DIAPH2: variants seen among roughly 807,000 people sequenced by gnomAD.
DIAPH2 encodes diaphanous related formin 2, also known as protein diaphanous homolog 2.
In DIAPH2, 35 loss-of-function variants were observed where a neutral mutation model predicts 92.7. That is an observed-to-expected ratio of 0.38 (90% confidence interval 0.29 to 0.50). The LOEUF is 0.50. Among genes scored for constraint, DIAPH2 ranks in the 20% least tolerant of loss-of-function variants. DIAPH2 has a pLI of 0.94. For missense variants in DIAPH2, 701 were observed against 819.5 expected (o/e 0.86, Z 1.77); for synonymous variants, 301 against 280.4 (o/e 1.07, Z -0.73).
chrX:96,963,759 C>G (rs1239587024), intron 16 of DIAPH2, among the ~76,000 whole-genome samples: 1 of 111,520 alleles, frequency 9.0e-6, no homozygotes, highest in East Asian at 2.8e-4. Context: ...TGATTATCTA[C>G]TCTCTTTTTT....
rs1263295260 is a variant in DIAPH2, at chrX:97,325,732, C to T, written c.2845-22384C>T. ...AGCTGGGACTACAGGCGCCCGCCAC[C>T]GCGCCCAGCTAATTTTTTGTATGTT... On this transcript the variant is annotated intron_variant, in intron 23 of 26. Coordinates refer to ENST00000324765, the MANE Select transcript of DIAPH2 (RefSeq NM_006729.5). Among the ~76,000 whole-genome samples, 9 of 110,637 alleles carry T rather than the reference C, an allele frequency of 8.1e-5. No individual in the cohort carries two copies. In the East Asian group the frequency reaches 1.1e-3, roughly 14 times the overall value.
chrX:97,052,623 T>C (rs2066528221), intron 17 of DIAPH2, among the ~76,000 whole-genome samples: 1 of 111,180 alleles, frequency 9.0e-6, no homozygotes, highest in Admixed American at 9.6e-5. Flanking sequence ...AGAGTCTGAA[T>C]AGGCATAATG....
intron 4 of DIAPH2, among the ~76,000 whole-genome samples, chrX:96,810,753 C>A (rs233686): frequency 1.8e-5 from 2 of 110,069 alleles, no homozygotes; most frequent in African/African-American, 3.3e-5. Flanking sequence ...CCAGTTTTCC[C>A]AGCACCATTT....
At chrX:97,466,768 A>G (rs937695670) in intron 26 of DIAPH2, among the ~76,000 whole-genome samples, 3 of 112,205 alleles carry the variant, frequency 2.7e-5, no homozygotes, top group African/African-American at 9.7e-5. Flanking sequence ...GAGGTAGTTG[A>G]AGTTCAGCAA....
chrX:97,194,144 G>A (rs755960633), intron 22 of DIAPH2, among the ~76,000 whole-genome samples: 2 of 111,078 alleles, frequency 1.8e-5, no homozygotes, highest in African/African-American at 6.5e-5. Context: ...ATGACTACAA[G>A]TCTTGCATTT....
At chrX:97,164,065 A>G (rs777919039) in intron 22 of DIAPH2, among the ~76,000 whole-genome samples, 1 of 112,420 alleles carries the variant, frequency 8.9e-6, no homozygotes, top group South Asian at 3.7e-4. Flanking sequence ...TCTGATATCA[A>G]ACAAATAAGC....
chrX:97,000,368 G>A (rs763563301), intron 17 of DIAPH2, among the ~76,000 whole-genome samples: 1 of 112,328 alleles, frequency 8.9e-6, no homozygotes, highest in African/African-American at 3.2e-5. Context: ...AGTAAACAGA[G>A]ATGGCTAAAA....
chrX:97,043,978 G>A (rs1423196429), intron 17 of DIAPH2, among the ~76,000 whole-genome samples: 1 of 111,929 alleles, frequency 8.9e-6, no homozygotes, highest in Non-Finnish European at 1.9e-5. Flanking sequence ...AACTTTAATT[G>A]CATGCTTTTA....
chrX:96,689,314 C>G (rs1329379916), intron 1 of DIAPH2, among the ~76,000 whole-genome samples: 1 of 100,096 alleles, frequency 1.0e-5, no homozygotes, highest in Non-Finnish European at 2.0e-5. Flanking sequence ...TAGGGGTAAC[C>G]CATTAAAGAG....
In DIAPH2 at chrX:97,282,794, T is replaced by G. The variant is rs370438993; in HGVS notation, c.2844+34955T>G. Among the ~76,000 whole-genome samples, 929 of 112,087 alleles carry G rather than the reference T, an allele frequency of 8.3e-3. 7 individuals are homozygous for G. The highest frequency in any genetic ancestry group is 0.046 in the Middle Eastern group (10 of 218). ...TTCTAACATGATAGTGGTAGTTCTCTGGATTAATTTATGCTCATGGTTTTG... is the reference window on the plus strand; with the variant it reads ...TTCTAACATGATAGTGGTAGTTCTCGGGATTAATTTATGCTCATGGTTTTG... On this transcript the variant is annotated intron_variant, in intron 23 of 26. Coordinates refer to ENST00000324765, the MANE Select transcript of DIAPH2 (RefSeq NM_006729.5).
At chrX:97,476,432 C>T (rs940890512) in intron 26 of DIAPH2, among the ~76,000 whole-genome samples, 2 of 111,611 alleles carry the variant, frequency 1.8e-5, no homozygotes, top group African/African-American at 6.5e-5. Flanking sequence ...CTTTCTGCCA[C>T]CCTTGTATAC....
intron 4 of DIAPH2, among the ~76,000 whole-genome samples, chrX:96,780,415 A>G (rs1042719774): frequency 1.8e-5 from 2 of 111,992 alleles, no homozygotes; most frequent in East Asian, 5.6e-4. Flanking sequence ...TGTGCGTGAC[A>G]CTTTTAAATG....
At chrX:96,772,851 C>A (rs1165840782) in intron 4 of DIAPH2, among the ~76,000 whole-genome samples, 11 of 112,657 alleles carry the variant, frequency 9.8e-5, no homozygotes. Context: ...AAAATAACTG[C>A]TTGTGCAATG....
chrX:97,305,269 G>T (rs754205295), intron 23 of DIAPH2, among the ~76,000 whole-genome samples: 1 of 111,090 alleles, frequency 9.0e-6, no homozygotes, highest in Admixed American at 9.6e-5. Flanking sequence ...GAGGCAGGTG[G>T]ATCACCTGAG....
At chrX:96,930,597 C>A in intron 9 of DIAPH2, 136 bp from the exon 10 acceptor site, 1 of 425,314 alleles carries the variant, frequency 2.4e-6, no homozygotes, top group Non-Finnish European at 4.0e-6. Context: ...AAGTCATAAT[C>A]ATTATACTTC....
chrX:97,029,269 T>C (rs2066356708), intron 17 of DIAPH2, among the ~76,000 whole-genome samples: 1 of 108,410 alleles, frequency 9.2e-6, no homozygotes, highest in African/African-American at 3.4e-5. Flanking sequence ...CATTTCAGCC[T>C]CCTGAGTAGC....
intron 25 of DIAPH2, among the ~76,000 whole-genome samples, chrX:97,397,490 G>A (rs1012297951): frequency 8.9e-6 from 1 of 111,860 alleles, no homozygotes; most frequent in Non-Finnish European, 1.9e-5. Context: ...TAGGATGGAT[G>A]CATATAGGTC....
intron 15 of DIAPH2, among the ~76,000 whole-genome samples, chrX:96,952,768 A>G (rs1054698388): frequency 1.8e-5 from 2 of 110,699 alleles, no homozygotes; most frequent in Admixed American, 9.7e-5. Context: ...AAATAAATGA[A>G]AAAGGTATTT....
intron 26 of DIAPH2, chrX:97,454,051 A>C: frequency 8.9e-6 from 1 of 112,264 alleles, no homozygotes; most frequent in Middle Eastern, 4.6e-3. Context: ...ATATCCCTCA[A>C]CAGGCGAAAG....
Sources: gnomAD v4.1 joint callset for allele counts (sites outside exome capture counted in the v4.1 genomes callset) on GRCh38, gnomAD v4.1.1 for gene constraint, MANE v1.5 for transcripts, NCBI Gene and HGNC (gene_info 2026-07-23, HGNC 2026-07-21) for gene names.